The following IRS4 variants were observed in gnomAD, a reference collection of about 807,000 sequenced individuals.
IRS4 encodes 160 kDa phosphotyrosine protein.
In IRS4, 15 loss-of-function variants were observed where a neutral mutation model predicts 48.6. The observed-to-expected ratio is 0.31, with a 90% CI of 0.21 to 0.48. The LOEUF (loss-of-function observed/expected upper bound fraction) is 0.48. Ranked by LOEUF, IRS4 falls within the 20% of genes least tolerant of loss-of-function variation. IRS4 has a pLI of 0.99. For missense variants in IRS4, 987 were observed against 1,023.4 expected, an observed-to-expected ratio of 0.96 and a Z score of 0.49; for synonymous variants, 459 against 413.2, an observed-to-expected ratio of 1.11 and a Z score of -1.34.
chrX:108,735,179 C>G lies in IRS4; in HGVS notation c.1166G>C (p.Gly389Ala). 1 of 1,211,497 alleles carries G rather than the reference C, an allele frequency of 8.3e-7. No homozygotes were observed. The highest frequency in any genetic ancestry group is 2.3e-4 in the Middle Eastern group (1 of 4,353). Residue 389 changes from glycine (G) to alanine (A), a missense_variant, in exon 1 of 2, where the codon GGG becomes GCG. Physicochemically the swap from Gly to Ala is moderately conservative, Grantham distance 60. This residue lies in a region of IRS4 where 74 missense variants were observed against 100.4 expected (regional missense o/e 0.74). Coordinates refer to ENST00000372129, the MANE Select transcript of IRS4 (RefSeq NM_001379150.1). ...QFCHLRAIGD[G>A]EDEMLFTRRF... ...CCTGGTGAAAAGCATCTCGTCTTCCCCGTCGCCGATGGCCCTGAGGTGGCA... is the reference window on the plus strand; with the variant it reads ...CCTGGTGAAAAGCATCTCGTCTTCCGCGTCGCCGATGGCCCTGAGGTGGCA...
Position 108,735,451 on chromosome X carries a change from C to T in IRS4, c.894G>A (p.Arg298=), listed in dbSNP as rs2068942082. ...GCTCTCCCGGACCGATGACAGTGGA[C>T]CTGCCTACTTCCAAGAAGAAATACT... ...SEQYFFLEVG[R]STVIGPGELW... Residue 298 remains arginine, a synonymous_variant, in exon 1 of 2, where the codon AGG becomes AGA. Coordinates refer to ENST00000372129, the MANE Select transcript of IRS4 (RefSeq NM_001379150.1). 8.3e-7 allele frequency: 1 copy of T among 1,211,018 alleles called. No homozygotes were observed. Among genetic ancestry groups the T allele is most frequent in the Non-Finnish European group, 1.1e-6 (1 of 895,378 alleles).
rs1226046846 is a variant in IRS4, at chrX:108,735,042, G to C, written c.1303C>G (p.Arg435Gly). Reference protein sequence around the residue: ...AVSVPASFFRRLAPSPARPRH... With the variant: ...AVSVPASFFRGLAPSPARPRH... Reference sequence around the variant, plus strand: ...GGACGTGCTGGGCTGGGTGCTAAGCGGCGAAAAAAGCTGGCCGGCACTGAA... The same window carrying C: ...GGACGTGCTGGGCTGGGTGCTAAGCCGCGAAAAAAGCTGGCCGGCACTGAA... The change falls in exon 1 of 2, where the codon CGC becomes GGC. Residue 435 changes from arginine (R) to glycine (G), a missense_variant. Transcript: ENST00000372129. 8.3e-7 allele frequency: 1 copy of C among 1,211,820 alleles called. No individual in the cohort carries two copies. Among genetic ancestry groups the C allele is most frequent in the Admixed American group, 2.2e-5 (1 of 46,052 alleles).
In IRS4 at chrX:108,735,338, T is replaced by C; in HGVS notation, c.1007A>G (p.Tyr336Cys). 1.7e-6 allele frequency: 2 copies of C among 1,211,336 alleles called. No individual in the cohort carries two copies. The highest frequency in any genetic ancestry group is 3.5e-5 in the South Asian group (2 of 56,968). ...GCTGTAGCTGCGGCAGCGGGCTCTG[T>C]ATTCGTCTGCACACAAGGCTCTCAT... ...EKMRALCADE[Y>C]RARCRSYSIS... The change falls in exon 1 of 2, where the codon TAC becomes TGC. Residue 336 changes from tyrosine (Y) to cysteine (C), a missense_variant. Coordinates refer to ENST00000372129, the MANE Select transcript of IRS4 (RefSeq NM_001379150.1).
intron 1 of IRS4, among the ~76,000 whole-genome samples, chrX:108,725,460 CAAAA>C (rs397968164): frequency 1.7e-5 from 1 of 59,845 alleles, no homozygotes; most frequent in Non-Finnish European, 3.0e-5. Flanking sequence ...AGTAAAGCAC[CAAAA>C]AAAAAAAAAA....
At chrX:108,727,825 A>G (rs1026663830) in intron 1 of IRS4, among the ~76,000 whole-genome samples, 2 of 112,299 alleles carry the variant, frequency 1.8e-5, no homozygotes, top group African/African-American at 6.5e-5. Context: ...CAAGGCTTCT[A>G]AAATCTACTT....
intron 1 of IRS4, among the ~76,000 whole-genome samples, chrX:108,725,401 T>G (rs1176779003): frequency 2.1e-5 from 2 of 95,821 alleles, no homozygotes; most frequent in Non-Finnish European, 4.0e-5. Flanking sequence ...CAACATGCTA[T>G]CCCTGCACCC....
At chrX:108,727,931 T>C (rs1167047068) in intron 1 of IRS4, among the ~76,000 whole-genome samples, 2 of 112,431 alleles carry the variant, frequency 1.8e-5, no homozygotes, top group Non-Finnish European at 3.8e-5. Flanking sequence ...TATCCTGTTT[T>C]GCCTACTGTG....
At chrX:108,729,536 C>T (rs1344198948) in intron 1 of IRS4, among the ~76,000 whole-genome samples, 1 of 111,868 alleles carries the variant, frequency 8.9e-6, no homozygotes, top group South Asian at 3.7e-4. Context: ...CATTCTTCTC[C>T]TAAATGCTAA....
chrX:108,733,694 T>A lies in IRS4; in HGVS notation c.2651A>T (p.Asn884Ile). 8.3e-7 allele frequency: 1 copy of A among 1,211,950 alleles called. No individual in the cohort carries two copies. The highest frequency in any genetic ancestry group is 1.1e-6 in the Non-Finnish European group (1 of 895,617). Reference sequence around the variant, plus strand: ...AAGTCGGTTAGGTCTCTTAGCTTTATTCTTTGGGGGCTCATGATCTGAAGG... The same window carrying A: ...AAGTCGGTTAGGTCTCTTAGCTTTAATCTTTGGGGGCTCATGATCTGAAGG... ...SKPSDHEPPK[N>I]KAKRPNRLSF... The change falls in exon 1 of 2, where the codon AAT (asparagine) becomes ATT (isoleucine). Residue 884 changes from asparagine (N) to isoleucine (I), a missense_variant. By Grantham distance (149) the Asn-to-Ile change is moderately radical. Transcript: ENST00000372129.
At chrX:108,727,027 CAGAG>C in intron 1 of IRS4, 1 of 111,936 alleles carries the variant, frequency 8.9e-6, no homozygotes, top group East Asian at 2.9e-4. Flanking sequence ...CCTTTTCAGC[CAGAG>C]AGAGACCAGG....
rs1375799864 is a variant in IRS4 at position 108,729,515 on chromosome X, A to G, written c.3766+3064T>C. ...TAGGTTAACAGTCAAACTAAACTGC[A>G]TAAGAAACAACATTCTTCTCCTAAA... On this transcript the variant is annotated intron_variant, in intron 1 of 1. Coordinates refer to ENST00000372129, the MANE Select transcript of IRS4 (RefSeq NM_001379150.1). 2.7e-5 allele frequency among the ~76,000 whole-genome samples: 3 copies of G among 111,923 alleles called. No individual in the cohort carries two copies. The Admixed American group carries it at 2.8e-4, about 11-fold the overall frequency.
At chrX:108,724,299 C>T (rs755947895) in intron 1 of IRS4, 2 of 111,228 alleles carry the variant, frequency 1.8e-5, no homozygotes, top group Admixed American at 1.9e-4. Flanking sequence ...TCCTATAACA[C>T]CTACACCAGC....
chrX:108,731,394 G>A (rs1382955563), intron 1 of IRS4, among the ~76,000 whole-genome samples: 1 of 111,455 alleles, frequency 9.0e-6, no homozygotes, highest in Non-Finnish European at 1.9e-5. Flanking sequence ...GAAAACTGCT[G>A]GGGTCCATCC....
Position 108,732,959 on chromosome X carries a change from G to A in IRS4, c.3386C>T (p.Ala1129Val), listed in dbSNP as rs770155915. Residue 1129 changes from alanine (A) to valine (V), a missense_variant, in exon 1 of 2, where the codon GCC (alanine) becomes GTC (valine). Transcript: ENST00000372129. ...AVASAAEPTL[A>V]LSQVVAAASA... ...GGCCGCAGCTACAACTTGGCTGAGG[G>A]CTAAAGTCGGCTCTGCAGCCGAAGC... 8.3e-7 allele frequency: 1 copy of A among 1,197,998 alleles called. No homozygotes were observed. Among genetic ancestry groups the A allele is most frequent in the African/African-American group, 1.8e-5 (1 of 57,104 alleles).
In IRS4 at chrX:108,733,843, T is replaced by C. The variant is rs2068926113; in HGVS notation, c.2502A>G (p.Gly834=). Residue 834 remains glycine (G), a synonymous_variant, in exon 1 of 2, where the codon GGA becomes GGG. Coordinates refer to ENST00000372129, the MANE Select transcript of IRS4 (RefSeq NM_001379150.1). ...TGTCTAGGCCCCTCCCCAGGAACTT[T>C]CCAGGTAACATTGGCACATACTCAC... ...DNSEYVPMLP[G]KFLGRGLDKE... 1 of 1,211,517 alleles carries C rather than the reference T, an allele frequency of 8.3e-7. No individual in the cohort carries two copies.
Position 108,733,010 on chromosome X carries a change from A to T in IRS4, c.3335T>A (p.Leu1112His). The T allele has an allele frequency of 1.7e-6, 2 of 1,209,905 alleles. No individual in the cohort carries two copies. The highest frequency in any genetic ancestry group is 2.2e-6 in the Non-Finnish European group (2 of 894,059). Residue 1112 changes from leucine (L) to histidine (H), a missense_variant, in exon 1 of 2, where the codon CTT becomes CAT. Coordinates refer to ENST00000372129, the MANE Select transcript of IRS4 (RefSeq NM_001379150.1). ...GACAGCCGGGGCTGAGGATGGGGAA[A>T]GGTCTCTCTCGAGGCTGTCTGTTGG... ...AFPTDSLERD[L>H]SPSSAPAVAS...
intron 1 of IRS4, among the ~76,000 whole-genome samples, chrX:108,731,415 C>T (rs1320585939): frequency 1.8e-5 from 2 of 111,593 alleles, no homozygotes; most frequent in African/African-American, 3.3e-5. Context: ...CTTCCCTTCA[C>T]TGGGAAAGAA....
chrX:108,730,335 A>T (rs867286490), intron 1 of IRS4, among the ~76,000 whole-genome samples: 9 of 25,185 alleles, frequency 3.6e-4, no homozygotes, highest in Non-Finnish European at 4.7e-4. Context: ...CCACCCCCGC[A>T]CCCCCCCGCC....
Position 108,735,933 on chromosome X carries a change from T to C in IRS4, c.412A>G (p.Ile138Val). 4 of 1,207,985 alleles carry C rather than the reference T, an allele frequency of 3.3e-6. No homozygotes were observed. Among genetic ancestry groups the C allele is most frequent in the Non-Finnish European group, 4.5e-6 (4 of 893,772 alleles). The change falls in exon 1 of 2, where the codon ATC (isoleucine) becomes GTC (valine). Residue 138 changes from isoleucine to valine, a missense_variant. By Grantham distance (29) the Ile-to-Val change is conservative. Coordinates refer to ENST00000372129, the MANE Select transcript of IRS4 (RefSeq NM_001379150.1). ...AAAAAASGAA[I>V]PPLIPPRRVI... ...CGCCGCGGTGGAATGAGCGGGGGGA[T>C]CGCGGCGCCAGAGGCGGCCGCCGCT...
Sources: gnomAD v4.1 joint callset for allele counts (sites outside exome capture counted in the v4.1 genomes callset) on GRCh38, gnomAD v4.1.1 for gene constraint, gnomAD v4.1.1 regional missense constraint, MANE v1.5 for transcripts, NCBI Gene and HGNC (gene_info 2026-07-23, HGNC 2026-07-21) for gene names.